The following POLR1D variants were observed in gnomAD, a reference collection of about 807,000 sequenced individuals.
POLR1D encodes the protein RNA polymerase I and III subunit D, also known as DNA-directed RNA polymerases I and III subunit RPAC2.
A neutral mutation model predicts 10.8 loss-of-function variants in POLR1D; 8 were observed. That is an observed-to-expected ratio of 0.74 (90% CI 0.43 to 1.33). The LOEUF is 1.33. POLR1D is among the 40% of genes most tolerant of loss of function. The probability of loss-of-function intolerance (pLI) is 0.01; values close to 1 mark genes in which losing one functional copy is unlikely to be tolerated. For missense variants in POLR1D, 152 were observed against 161.7 expected, an observed-to-expected ratio of 0.94 and a Z score of 0.32; for synonymous variants, 54 against 57.2, an observed-to-expected ratio of 0.94 and a Z score of 0.25.
chr13:27,648,732 G>T (rs530669332), intron 2 of POLR1D, among the ~76,000 whole-genome samples: 2 of 152,170 alleles, frequency 1.3e-5, no homozygotes, highest in African/African-American at 2.4e-5. Context: ...ACTACTGTGC[G>T]CAAAGTCACC....
exon 3 of POLR1D, chr13:27,666,265 T>C (rs1956417936): frequency 3.5e-6 from 1 of 285,254 alleles, no homozygotes; most frequent in Non-Finnish European, 6.5e-6. Flanking sequence ...TTTTCAGAGA[T>C]TGTTAAAACT....
chr13:27,660,402 C>A (rs1367226529), intron 2 of POLR1D, among the ~76,000 whole-genome samples: 11 of 152,180 alleles, frequency 7.2e-5, no homozygotes, highest in Admixed American at 7.2e-4. Context: ...AATAAAAGAA[C>A]GCATTGAAGT....
chr13:27,650,591 T>C (rs1956259963), intron 2 of POLR1D: 1 of 152,346 alleles, frequency 6.6e-6, no homozygotes, highest in African/African-American at 2.4e-5. Flanking sequence ...GCCAGCCCTC[T>C]CTTTGGGCCA....
chr13:27,647,564 T>C (rs139140464), intron 1 of POLR1D, among the ~76,000 whole-genome samples: 1 of 152,048 alleles, frequency 6.6e-6, no homozygotes, highest in Non-Finnish European at 1.5e-5. Context: ...GTAAATAAAT[T>C]TGAAATTAAG....
downstream of POLR1D, among the ~76,000 whole-genome samples, chr13:27,625,587 G>A (rs928337898): frequency 6.6e-6 from 1 of 151,958 alleles, no homozygotes; most frequent in South Asian, 2.1e-4. Context: ...TATGTGAGTT[G>A]GAGATCGTGG....
At chr13:27,660,932 C>T (rs542610) in intron 2 of POLR1D, 103,266 of 152,110 alleles carry the variant, frequency 0.68, 37,127 homozygotes, top group East Asian at 0.91. Context: ...GTGTCTTCAA[C>T]GTACCCTGTT....
downstream of POLR1D, among the ~76,000 whole-genome samples, chr13:27,623,680 GAAAGAAGATTGGGGT>G (rs1297068236): frequency 6.6e-6 from 1 of 152,154 alleles, no homozygotes; most frequent in Non-Finnish European, 1.5e-5. Flanking sequence ...AAAACAGAAG[GAAAGAAGATTGGGGT>G]GGGGACTTGG....
intron 1 of POLR1D, among the ~76,000 whole-genome samples, chr13:27,632,381 C>T (rs1295622341): frequency 6.6e-6 from 1 of 152,212 alleles, no homozygotes; most frequent in Non-Finnish European, 1.5e-5. Flanking sequence ...ACACTCATTT[C>T]CTAACCAGCT....
chr13:27,647,516 C>T (rs1009897986), intron 1 of POLR1D, among the ~76,000 whole-genome samples: 3 of 152,098 alleles, frequency 2.0e-5, no homozygotes, highest in Non-Finnish European at 2.9e-5. Context: ...AGCCACCACA[C>T]CTAGCCGTCT....
At chr13:27,627,285 T>G (rs76541143), downstream of POLR1D, among the ~76,000 whole-genome samples, 6,612 of 152,070 alleles carry the variant, frequency 0.043, 206 homozygotes, top group Non-Finnish European at 0.066. Context: ...GGTCTGGTTT[T>G]TTTTTTTTTC....
At chr13:27,655,590 C>T (rs1050374253) in intron 2 of POLR1D, among the ~76,000 whole-genome samples, 6 of 152,156 alleles carry the variant, frequency 3.9e-5, no homozygotes, top group Admixed American at 2.6e-4. Context: ...TGTTTTTATA[C>T]GTCTTAATTA....
At chr13:27,630,721 C>T (rs532140506) in intron 1 of POLR1D, among the ~76,000 whole-genome samples, 4 of 152,208 alleles carry the variant, frequency 2.6e-5, no homozygotes, top group Non-Finnish European at 5.9e-5. Flanking sequence ...ATTTCTAGTA[C>T]ACTTAAATAC....
intron 2 of POLR1D, among the ~76,000 whole-genome samples, chr13:27,651,829 C>G (rs1463317609): frequency 2.6e-5 from 4 of 152,058 alleles, no homozygotes; most frequent in African/African-American, 9.7e-5. Flanking sequence ...GAATTATTGT[C>G]TTATAGACTC....
chr13:27,634,856 T>G (rs1306679433), intron 1 of POLR1D, among the ~76,000 whole-genome samples: 1 of 151,832 alleles, frequency 6.6e-6, no homozygotes, highest in Non-Finnish European at 1.5e-5. Flanking sequence ...TTGTATTTTT[T>G]GTAGAGATGG....
intron 1 of POLR1D, among the ~76,000 whole-genome samples, chr13:27,636,562 C>A (rs1956125811): frequency 6.6e-6 from 1 of 152,206 alleles, no homozygotes; most frequent in Middle Eastern, 3.2e-3. Flanking sequence ...CGATTTCTAT[C>A]AAGCAAACGC....
intron 1 of POLR1D, among the ~76,000 whole-genome samples, chr13:27,634,777 G>C (rs1328805590): frequency 6.6e-6 from 1 of 150,428 alleles, no homozygotes; most frequent in Non-Finnish European, 1.5e-5. Context: ...CTGGGCTCAA[G>C]CAGTCCTCCC....
At chr13:27,662,838 A>C (rs492553) in intron 2 of POLR1D, among the ~76,000 whole-genome samples, 127,290 of 152,158 alleles carry the variant, frequency 0.84, 53,438 homozygotes, top group East Asian at 0.93. Context: ...TACATGTTCT[A>C]ATTCATTTGA....
At chr13:27,641,770 A>G (rs1705009777) in intron 1 of POLR1D, among the ~76,000 whole-genome samples, 1 of 152,192 alleles carries the variant, frequency 6.6e-6, no homozygotes. Flanking sequence ...GTGGAGAGGT[A>G]ATGTGAGAGC....
chr13:27,643,773 T>C (rs1956196049), intron 1 of POLR1D, among the ~76,000 whole-genome samples: 1 of 152,222 alleles, frequency 6.6e-6, no homozygotes. Flanking sequence ...TAAACATGTT[T>C]GCCTTCAGCA....
Sources: gnomAD v4.1 joint callset for allele counts (sites outside exome capture counted in the v4.1 genomes callset) on GRCh38, gnomAD v4.1.1 for gene constraint, MANE v1.5 for transcripts, NCBI Gene and HGNC (gene_info 2026-07-23, HGNC 2026-07-21) for gene names.